The following ZNF268 variants were observed in gnomAD, a reference collection of about 807,000 sequenced individuals.
The protein encoded by ZNF268 is zinc finger protein 3.
A neutral mutation model predicts 29.3 loss-of-function variants in ZNF268; 20 were observed. That is an observed-to-expected ratio of 0.68 (90% CI 0.48 to 0.99). The LOEUF (loss-of-function observed/expected upper bound fraction) is 0.99, where lower values mean the gene tolerates loss of function less well. Ranked by LOEUF, ZNF268 falls within the 50% of genes least tolerant of loss-of-function variation. The pLI is 0.00. For missense variants in ZNF268, 1,240 were observed against 1,121.6 expected (o/e 1.11, Z -1.51); for synonymous variants, 429 against 376.9 (o/e 1.14, Z -1.60).
Position 133,203,099 on chromosome 12 carries a change from C to T in ZNF268, c.1413C>T (p.Pro471=). The T allele has an allele frequency of 6.5e-7, 1 of 1,537,326 alleles. No individual in the cohort carries two copies. Among genetic ancestry groups the T allele is most frequent in the Non-Finnish European group, 8.7e-7 (1 of 1,146,806 alleles). ...VHQGIHTGVK[P]YGCIQCGKGF... The stretch of plus-strand genomic sequence containing the variant: ...AGGGGATTCACACAGGAGTAAAGCC[C>T]TATGGGTGTATTCAGTGTGGTAAAG... The change falls in exon 6 of 6, where the codon CCC becomes CCT. Residue 471 remains proline, a synonymous_variant. Transcript: ENST00000536435.
chr12:133,187,308 C>T (rs1377825224), intron 2 of ZNF268, among the ~76,000 whole-genome samples: 1 of 151,782 alleles, frequency 6.6e-6, no homozygotes, highest in African/African-American at 2.4e-5. Context: ...TGATATTTCT[C>T]ATTTCACATT....
Position 133,209,012 on chromosome 12 carries a change from T to C in ZNF268, c.*4482T>C, listed in dbSNP as rs1046503227. The C allele has an allele frequency of 2.0e-5, 3 of 151,300 alleles. No homozygotes were observed. Among genetic ancestry groups the C allele is most frequent in the Non-Finnish European group, 2.9e-5 (2 of 67,960 alleles). The allele number at this position is 151,300 out of a possible 1,614,324, so 9.4% of individuals were successfully genotyped here. A position where few individuals can be genotyped will look rare whatever the true frequency, so the allele number is the denominator to read the frequency against. ...AGGCTGGAGTGCAGTGGTGTGTTCT[T>C]GGCTCACTGCAACCTCTGCCTCCTG... On this transcript the variant is annotated 3_prime_UTR_variant, in exon 6 of 6. Transcript: ENST00000536435.
At chr12:133,187,820 TTCCCC>T in intron 2 of ZNF268, 47 bp from the exon 3 acceptor site, 2 of 1,524,804 alleles carry the variant, frequency 1.3e-6, no homozygotes, top group Non-Finnish European at 8.9e-7. Context: ...CTATTTCCTT[TTCCCC>T]AAAGGAAATA....
Position 133,203,635 on chromosome 12 carries a change from C to G in ZNF268, c.1949C>G (p.Thr650Arg). 1.3e-6 allele frequency: 2 copies of G among 1,561,914 alleles called. No individual in the cohort carries two copies. Among genetic ancestry groups the G allele is most frequent in the South Asian group, 2.3e-5 (2 of 85,846 alleles). ...TGTAATGAATGTGGAAAAGCCTTTACGTTCAAATCACAGCTCATTGTACAT... is the reference window on the plus strand; with the variant it reads ...TGTAATGAATGTGGAAAAGCCTTTAGGTTCAAATCACAGCTCATTGTACAT... ...YSCNECGKAF[T>R]FKSQLIVHKG... Residue 650 changes from threonine to arginine, a missense_variant, in exon 6 of 6, where the codon ACG becomes AGG. By Grantham distance (71) the Thr-to-Arg change is moderately conservative (BLOSUM62 -1). Coordinates refer to ENST00000536435, the MANE Select transcript of ZNF268 (RefSeq NM_003415.3).
rs770684600 is a variant in ZNF268, at chr12:133,206,534, T to C, written c.*2004T>C. ...CTTCACTACCTCATCAGGTTTGTTA[T>C]GTGAGTGGGCATTAATCTGGGAAGA... On this transcript the variant is annotated 3_prime_UTR_variant, in exon 6 of 6. Coordinates refer to ENST00000536435, the MANE Select transcript of ZNF268 (RefSeq NM_003415.3). 1 of 152,188 alleles carries C rather than the reference T, an allele frequency of 6.6e-6. No individual in the cohort carries two copies. Among genetic ancestry groups the C allele is most frequent in the South Asian group, 2.1e-4 (1 of 4,826 alleles). 9.4% of individuals were successfully genotyped at this position (152,188 alleles called of 1,614,324 possible). A position where few individuals can be genotyped will look rare whatever the true frequency, so the allele number is the denominator to read the frequency against.
chr12:133,188,205 T>A, intron 3 of ZNF268, 133 bp downstream of exon 3: 1 of 560,182 alleles, frequency 1.8e-6, no homozygotes, highest in Non-Finnish European at 2.8e-6. Flanking sequence ...ACCCCCCCAC[T>A]TTTTTTTTTG....
Position 133,212,494 on chromosome 12 carries a change from T to C in ZNF268, c.*7964T>C, listed in dbSNP as rs777008276. The C allele has an allele frequency of 0.065, 798 of 12,276 alleles. 26 individuals are homozygous for C. Among genetic ancestry groups the C allele is most frequent in the Non-Finnish European group, 0.078 (594 of 7,644 alleles). 0.8% of individuals were successfully genotyped at this position (12,276 alleles called of 1,614,324 possible). A position where few individuals can be genotyped will look rare whatever the true frequency, so the allele number is the denominator to read the frequency against. On this transcript the variant is annotated 3_prime_UTR_variant, in exon 6 of 6. Transcript: ENST00000536435. ...ATATATATATATATATATATATATA[T>C]ATATGTATATATACACACACACATA...
intron 5 of ZNF268, among the ~76,000 whole-genome samples, chr12:133,198,171 T>A (rs1956658569): frequency 6.7e-6 from 1 of 148,424 alleles, no homozygotes; most frequent in Non-Finnish European, 1.5e-5. Flanking sequence ...GTTTTAGGTC[T>A]AACGTTTAAG....
At position 133,206,725 on chromosome 12, in the gene ZNF268, T is replaced by C. The variant is rs184599526; in HGVS notation, c.*2195T>C. On this transcript the variant is annotated 3_prime_UTR_variant, in exon 6 of 6. Transcript: ENST00000536435. ...GATACCTGAATGCCTAACTGTTGTA[T>C]TCTGCTTATACAGAATCCAATCTCA... The C allele has an allele frequency of 2.5e-4, 38 of 152,360 alleles. No individual in the cohort carries two copies. Among genetic ancestry groups the C allele is most frequent in the Non-Finnish European group, 4.6e-4 (31 of 68,036 alleles). 9.4% of individuals were successfully genotyped at this position (152,360 alleles called of 1,614,324 possible). A position where few individuals can be genotyped will look rare whatever the true frequency, so the allele number is the denominator to read the frequency against.
chr12:133,201,389 A>G (rs1956748897), intron 5 of ZNF268, among the ~76,000 whole-genome samples: 1 of 151,760 alleles, frequency 6.6e-6, no homozygotes, highest in Non-Finnish European at 1.5e-5. Context: ...CTTTTCTTGG[A>G]GCAACTCAAG....
chr12:133,183,154 G>A (rs781317798), intron 2 of ZNF268, among the ~76,000 whole-genome samples: 25 of 152,176 alleles, frequency 1.6e-4, no homozygotes, highest in Non-Finnish European at 3.5e-4. Context: ...AGAAGCCATC[G>A]CCGCACCCGA....
intron 2 of ZNF268, among the ~76,000 whole-genome samples, chr12:133,183,894 TAA>T (rs1170493246): frequency 1.3e-5 from 2 of 152,140 alleles, no homozygotes; most frequent in African/African-American, 4.8e-5. Flanking sequence ...AATTCACACT[TAA>T]AGAAATGGAA....
At chr12:133,194,765 A>C (rs1956555465) in intron 5 of ZNF268, among the ~76,000 whole-genome samples, 1 of 152,244 alleles carries the variant, frequency 6.6e-6, no homozygotes, top group Admixed American at 6.5e-5. Context: ...GAAAAAAATC[A>C]GGTTACTGCC....
chr12:133,187,807 C>A, intron 2 of ZNF268, 65 bp from the exon 3 acceptor site: 1 of 1,441,308 alleles, frequency 6.9e-7, no homozygotes, highest in Non-Finnish European at 9.5e-7. Flanking sequence ...TGTGATGTGA[C>A]CCCTATTTCC....
At chr12:133,187,834 T>G in intron 2 of ZNF268, 38 bp from the exon 3 acceptor site, 1 of 1,545,542 alleles carries the variant, frequency 6.5e-7, no homozygotes, top group Non-Finnish European at 8.8e-7. Context: ...CCAAAGGAAA[T>G]AATGCTCGCT....
chr12:133,204,306 A>C lies in ZNF268; in HGVS notation c.2620A>C (p.Ile874Leu). 1 of 1,559,056 alleles carries C rather than the reference A, an allele frequency of 6.4e-7. No homozygotes were observed. The highest frequency in any genetic ancestry group is 8.7e-7 in the Non-Finnish European group (1 of 1,155,498). The change falls in exon 6 of 6, where the codon ATT (isoleucine) becomes CTT (leucine). Residue 874 changes from isoleucine to leucine, a missense_variant. By Grantham distance (5) the Ile-to-Leu change is conservative. This residue lies in a region of ZNF268 where 1,177 missense variants were observed against 1,039.6 expected (regional missense o/e 1.13). Coordinates refer to ENST00000536435, the MANE Select transcript of ZNF268 (RefSeq NM_003415.3). ...YECSECGKAF[I>L]RNSQLIVHQR... ...ATGCAGTGAGTGTGGAAAAGCCTTCATTAGGAATTCTCAACTCATTGTACA... is the reference window on the plus strand; with the variant it reads ...ATGCAGTGAGTGTGGAAAAGCCTTCCTTAGGAATTCTCAACTCATTGTACA...
In ZNF268 at chr12:133,205,629, A is replaced by C. The variant is rs1357662738; in HGVS notation, c.*1099A>C. 1 of 152,216 alleles carries C rather than the reference A, an allele frequency of 6.6e-6. No homozygotes were observed. Among genetic ancestry groups the C allele is most frequent in the Non-Finnish European group, 1.5e-5 (1 of 68,036 alleles). 9.4% of individuals were successfully genotyped at this position (152,216 alleles called of 1,614,324 possible). On this transcript the variant is annotated 3_prime_UTR_variant, in exon 6 of 6. Coordinates refer to ENST00000536435, the MANE Select transcript of ZNF268 (RefSeq NM_003415.3). ...TATGACTTACTAAAAATGCATTTCC[A>C]CACTGCAAACATTTTTTAGGGCTAT...
chr12:133,206,992 C>T lies in ZNF268; in HGVS notation c.*2462C>T, dbSNP rs1956909970. 6.6e-6 allele frequency: 1 copy of T among 152,156 alleles called. No homozygotes were observed. Among genetic ancestry groups the T allele is most frequent in the Admixed American group, 6.5e-5 (1 of 15,272 alleles). The allele number at this position is 152,156 out of a possible 1,614,324, so 9.4% of individuals were successfully genotyped here. ...TTTCAGATGCAAATCTACATGCAGC[C>T]TTGCCTGGTAGAAGCCAGAAGTGTT... On this transcript the variant is annotated 3_prime_UTR_variant, in exon 6 of 6. Coordinates refer to ENST00000536435, the MANE Select transcript of ZNF268 (RefSeq NM_003415.3).
Position 133,188,099 on chromosome 12 carries a change from G to C in ZNF268, c.234+27G>C, listed in dbSNP as rs1294840750. 62 of 1,519,334 alleles carry C rather than the reference G, an allele frequency of 4.1e-5. No homozygotes were observed. In the East Asian group the frequency reaches 1.5e-3, roughly 36 times the overall value. The allele number at this position is 1,519,334 out of a possible 1,614,324, so 94.1% of individuals were successfully genotyped here. Reference sequence around the variant, plus strand: ...TGAGCTTCTCATTTGTTTATTCCTAGTGTTTTCTTTATTACCTTTTTTTTT... The same window carrying C: ...TGAGCTTCTCATTTGTTTATTCCTACTGTTTTCTTTATTACCTTTTTTTTT... On this transcript the variant is annotated intron_variant, in intron 3 of 5. Transcript: ENST00000536435.
Sources: allele counts gnomAD v4.1 joint callset (sites outside exome capture counted in the v4.1 genomes callset), GRCh38; gene constraint gnomAD v4.1.1; regional missense constraint gnomAD v4.1.1; transcripts MANE v1.5; gene names NCBI Gene and HGNC (gene_info 2026-07-23, HGNC 2026-07-21).